MTREX: variants seen among roughly 807,000 people sequenced by gnomAD.
MTREX encodes the protein exosome RNA helicase MTR4.
A neutral mutation model predicts 135.4 loss-of-function variants in MTREX; 76 were observed. That is an observed-to-expected ratio of 0.56 (90% confidence interval 0.47 to 0.68). The LOEUF (loss-of-function observed/expected upper bound fraction) is 0.68, where lower values mean the gene tolerates loss of function less well. Among genes scored for constraint, MTREX ranks in the 30% least tolerant of loss-of-function variants. The probability of loss-of-function intolerance (pLI) is 0.00; values close to 1 mark genes in which losing one functional copy is unlikely to be tolerated. For synonymous variants in MTREX, 404 were observed against 401.6 expected, an observed-to-expected ratio of 1.01 and a Z score of -0.07; for missense variants, 920 against 1,262.1, an observed-to-expected ratio of 0.73 and a Z score of 4.11.
At chr5:55,375,079 A>C (rs1382920349) in intron 16 of MTREX, among the ~76,000 whole-genome samples, 2 of 152,200 alleles carry the variant, frequency 1.3e-5, no homozygotes, top group African/African-American at 2.4e-5. Flanking sequence ...CACAGACATC[A>C]AGTACTTTAC....
Position 55,400,326 on chromosome 5 carries a change from A to G in MTREX, c.2386A>G (p.Lys796Glu). 6.2e-7 allele frequency: 1 copy of G among 1,613,678 alleles called. No individual in the cohort carries two copies. The highest frequency in any genetic ancestry group is 8.5e-7 in the Non-Finnish European group (1 of 1,179,738). Residue 796 changes from lysine (K) to glutamate (E), a missense_variant, in exon 21 of 27, where the codon AAA becomes GAA. Physicochemically the swap from Lys to Glu is moderately conservative, Grantham distance 56. This residue lies in a region of MTREX where 467 missense variants were observed against 589.7 expected (regional missense o/e 0.79). Transcript: ENST00000230640. ...TCAAGGGCTGAAAAAAGTCATTCAG[A>G]AAGTAGAAGCTTTTGAGCATCGAAT... ...QDQGLKKVIQKVEAFEHRMYS... is the reference protein window; with the variant it reads ...QDQGLKKVIQEVEAFEHRMYS...
chr5:55,342,958 A>G (rs532822919), intron 7 of MTREX, among the ~76,000 whole-genome samples: 1 of 151,480 alleles, frequency 6.6e-6, no homozygotes, highest in East Asian at 2.0e-4. Flanking sequence ...TGGAATAGGA[A>G]TAGTATCTTC....
At chr5:55,370,729 A>G (rs1298395147) in intron 16 of MTREX, among the ~76,000 whole-genome samples, 1 of 152,230 alleles carries the variant, frequency 6.6e-6, no homozygotes, top group Non-Finnish European at 1.5e-5. Context: ...CAAACAGACC[A>G]TGTAGTGTGA....
intron 16 of MTREX, among the ~76,000 whole-genome samples, chr5:55,368,949 A>G (rs1239138108): frequency 6.6e-6 from 1 of 152,156 alleles, no homozygotes; most frequent in East Asian, 1.9e-4. Flanking sequence ...TTCAAATCAT[A>G]TTACATTTTA....
At chr5:55,319,227 A>T (rs112021880) in intron 1 of MTREX, among the ~76,000 whole-genome samples, 1 of 152,218 alleles carries the variant, frequency 6.6e-6, no homozygotes, top group Admixed American at 6.5e-5. Context: ...AGGAAATTAT[A>T]TATTGATACA....
At chr5:55,376,158 T>C (rs1750297628) in intron 16 of MTREX, among the ~76,000 whole-genome samples, 2 of 152,204 alleles carry the variant, frequency 1.3e-5, no homozygotes, top group South Asian at 2.1e-4. Context: ...ATAAGTGAGC[T>C]TGAGGGGCTT....
At chr5:55,385,402 C>A (rs1254797160) in intron 18 of MTREX, among the ~76,000 whole-genome samples, 1 of 152,110 alleles carries the variant, frequency 6.6e-6, no homozygotes, top group Non-Finnish European at 1.5e-5. Context: ...GCCTTACTTG[C>A]AGAGGACTTA....
chr5:55,345,072 C>A (rs1423120747), intron 9 of MTREX, 22 bp from the exon 10 acceptor site: 2 of 1,475,608 alleles, frequency 1.4e-6, no homozygotes, highest in Non-Finnish European at 1.9e-6. Context: ...TGAAGTTACA[C>A]AGAAAAAATT....
chr5:55,350,522 A>G (rs1400914483), intron 12 of MTREX, among the ~76,000 whole-genome samples: 1 of 152,150 alleles, frequency 6.6e-6, no homozygotes, highest in Non-Finnish European at 1.5e-5. Context: ...TTATTTTTAG[A>G]TTAAGTACAT....
intron 1 of MTREX, among the ~76,000 whole-genome samples, chr5:55,319,033 CTCTT>C (rs1217729591): frequency 1.3e-5 from 2 of 152,126 alleles, no homozygotes; most frequent in Non-Finnish European, 2.9e-5. Flanking sequence ...TCCTCCCTTC[CTCTT>C]TCTTCCCATA....
intron 15 of MTREX, among the ~76,000 whole-genome samples, chr5:55,362,439 C>T (rs185001917): frequency 4.5e-4 from 69 of 152,144 alleles, no homozygotes; most frequent in African/African-American, 1.5e-3. Context: ...TGGCTCACTG[C>T]GACCTCCGCC....
At chr5:55,405,347 GT>G (rs1750785264) in intron 21 of MTREX, 77 bp from the exon 22 acceptor site, 6 of 1,255,046 alleles carry the variant, frequency 4.8e-6, no homozygotes, top group Non-Finnish European at 5.6e-6. Flanking sequence ...AATATTTTTT[GT>G]TTGATTTCAT....
intron 22 of MTREX, among the ~76,000 whole-genome samples, chr5:55,406,794 T>C (rs1750815519): frequency 6.6e-6 from 1 of 152,212 alleles, no homozygotes; most frequent in Non-Finnish European, 1.5e-5. Context: ...CGTATGCACA[T>C]GGCAGTCTTT....
intron 25 of MTREX, among the ~76,000 whole-genome samples, chr5:55,420,208 C>G (rs1751033016): frequency 6.6e-6 from 1 of 151,820 alleles, no homozygotes. Context: ...TAACCTGAGG[C>G]CAGGCTGGAT....
intron 1 of MTREX, among the ~76,000 whole-genome samples, chr5:55,316,509 A>C (rs148227545): frequency 6.0e-4 from 91 of 152,352 alleles, no homozygotes; most frequent in African/African-American, 2.1e-3. Flanking sequence ...GAGTCATCAC[A>C]TGAACAGAAC....
At chr5:55,374,264 TTATATA>T (rs763872215) in intron 16 of MTREX, among the ~76,000 whole-genome samples, 2 of 139,654 alleles carry the variant, frequency 1.4e-5, no homozygotes, top group Non-Finnish European at 3.1e-5. Context: ...CAAAAAACAT[TTATATA>T]TATATATATA....
chr5:55,367,909 A>G (rs1026604284), intron 16 of MTREX, among the ~76,000 whole-genome samples: 15 of 152,240 alleles, frequency 9.9e-5, no homozygotes, highest in African/African-American at 3.6e-4. Flanking sequence ...AGATAGAGGA[A>G]AGTTAAAATC....
intron 15 of MTREX, among the ~76,000 whole-genome samples, chr5:55,360,876 A>C (rs1264807588): frequency 1.3e-5 from 2 of 152,206 alleles, no homozygotes; most frequent in African/African-American, 4.8e-5. Flanking sequence ...ATATGTTCCA[A>C]ATGTTAATTA....
intron 3 of MTREX, 63 bp from the exon 4 acceptor site, chr5:55,327,653 G>A (rs1250863072): frequency 8.0e-7 from 1 of 1,248,064 alleles, no homozygotes; most frequent in Non-Finnish European, 1.2e-6. Context: ...ATTATGGAAT[G>A]CTAAATACAT....
Sources: allele counts gnomAD v4.1 joint callset (sites outside exome capture counted in the v4.1 genomes callset), GRCh38; gene constraint gnomAD v4.1.1; regional missense constraint gnomAD v4.1.1; transcripts MANE v1.5; gene names NCBI Gene and HGNC (gene_info 2026-07-23, HGNC 2026-07-21).